ZNF880: variants seen among roughly 807,000 people sequenced by gnomAD.
ZNF880 encodes the protein zinc finger protein LOC400713.
ZNF880 carries 12 observed loss-of-function variants against 11.8 expected under a neutral mutation model. The observed-to-expected ratio is 1.02, with a 90% confidence interval of 0.65 to 1.65. The LOEUF (loss-of-function observed/expected upper bound fraction) is 1.65, where lower values mean the gene tolerates loss of function less well. ZNF880 is among the 40% of genes most tolerant of loss of function. The pLI is 0.00. For synonymous variants in ZNF880, 210 were observed against 232.4 expected (o/e 0.90, Z 0.88); for missense variants, 601 against 673.9 (o/e 0.89, Z 1.20).
downstream of ZNF880, among the ~76,000 whole-genome samples, chr19:52,388,519 A>G (rs191159340): frequency 1.3e-3 from 190 of 151,288 alleles, no homozygotes; most frequent in Non-Finnish European, 2.2e-3. Context: ...CTCGTGATCC[A>G]CCCGCCTCAG....
At chr19:52,386,019 C>CAA (rs1260593657), downstream of ZNF880, among the ~76,000 whole-genome samples, 1 of 141,804 alleles carries the variant, frequency 7.1e-6, no homozygotes, top group Non-Finnish European at 1.5e-5. Flanking sequence ...ACTAAAAATA[C>CAA]AAAAAATTAG....
chr19:52,377,201 T>C (rs765024301), intron 3 of ZNF880, among the ~76,000 whole-genome samples: 17 of 152,282 alleles, frequency 1.1e-4, no homozygotes, highest in East Asian at 5.8e-4. Flanking sequence ...CAATTTCCTA[T>C]ATGAGGAAGA....
chr19:52,391,998 T>C, the ZNF880 span, among the ~76,000 whole-genome samples: 16 of 152,240 alleles, frequency 1.1e-4, no homozygotes, highest in South Asian at 1.7e-3. Flanking sequence ...AAAAACTGGG[T>C]GTTCTCTAAT....
In ZNF880 at chr19:52,384,576, A is replaced by G; in HGVS notation, c.996A>G (p.Ala332=). Residue 332 remains alanine (A), a synonymous_variant, in exon 4 of 4, where the codon GCA becomes GCG. Coordinates refer to ENST00000422689, the MANE Select transcript of ZNF880 (RefSeq NM_001145434.2). ...KPYKCKECGK[A]FSGGSGLTAH... is the part of the protein sequence containing the mutation. ...ACAAATGTAAGGAATGTGGCAAAGC[A>G]TTTTCAGGGGGTTCAGGCCTTACTG... The G allele has an allele frequency of 6.2e-7, 1 of 1,613,212 alleles. No homozygotes were observed.
At chr19:52,392,447 TCCA>T in the ZNF880 span, among the ~76,000 whole-genome samples, 1 of 152,100 alleles carries the variant, frequency 6.6e-6, no homozygotes, top group Non-Finnish European at 1.5e-5. Context: ...ATTACAGGCG[TCCA>T]CCACCAAACC....
At chr19:52,386,137 A>C (rs1040876784), downstream of ZNF880, among the ~76,000 whole-genome samples, 1 of 128,548 alleles carries the variant, frequency 7.8e-6, no homozygotes. Flanking sequence ...ACGCCACTGC[A>C]CTCCAGCCTG....
At chr19:52,370,210 C>T in intron 1 of ZNF880, 1 of 570,738 alleles carries the variant, frequency 1.8e-6, no homozygotes, top group Non-Finnish European at 3.1e-6. Context: ...CAGCTCCTGT[C>T]GCGGAGTTTG....
chr19:52,388,546 G>C (rs10415186), downstream of ZNF880, among the ~76,000 whole-genome samples: 1 of 152,100 alleles, frequency 6.6e-6, no homozygotes, highest in South Asian at 2.1e-4. Context: ...AAAGTACTGA[G>C]ATTACAGGTG....
the ZNF880 span, among the ~76,000 whole-genome samples, chr19:52,392,077 C>A: frequency 6.6e-6 from 1 of 152,128 alleles, no homozygotes; most frequent in Non-Finnish European, 1.5e-5. Context: ...GGCTCAGTTG[C>A]ACAAAACTGC....
chr19:52,387,701 G>A (rs1986923210), downstream of ZNF880, among the ~76,000 whole-genome samples: 1 of 142,792 alleles, frequency 7.0e-6, no homozygotes, highest in Admixed American at 6.9e-5. Context: ...TGCCTGCCTC[G>A]GCCTCCCAAA....
At position 52,374,320 on chromosome 19, in the gene ZNF880, G is replaced by A. The variant is rs2051880907; in HGVS notation, c.161G>A (p.Ser54Asn). The change falls in exon 3 of 4, where the codon AGT becomes AAT. Residue 54 changes from serine (S) to asparagine (N), a missense_variant. Coordinates refer to ENST00000422689, the MANE Select transcript of ZNF880 (RefSeq NM_001145434.2). ...ATAGGAATCTGTCTTCCTGACCTGA[G>A]TGTTATCTCCATGTTGGAGCAAAGG... ...VFLGICLPDL[S>N]VISMLEQRRD... is the part of the protein sequence containing the mutation. 1.2e-6 allele frequency: 2 copies of A among 1,613,436 alleles called. No homozygotes were observed. The highest frequency in any genetic ancestry group is 1.7e-6 in the Non-Finnish European group (2 of 1,179,856).
chr19:52,378,252 T>C (rs776446933), intron 3 of ZNF880, among the ~76,000 whole-genome samples: 2 of 152,168 alleles, frequency 1.3e-5, no homozygotes, highest in Non-Finnish European at 1.5e-5. Flanking sequence ...CCTCAGCCAT[T>C]CTTCAGTTGT....
At chr19:52,391,924 C>T in the ZNF880 span, among the ~76,000 whole-genome samples, 1 of 152,140 alleles carries the variant, frequency 6.6e-6, no homozygotes, top group African/African-American at 2.4e-5. Context: ...CACAGAATGC[C>T]TCATCTCCGG....
At chr19:52,368,491 G>A (rs920960992), upstream of ZNF880, among the ~76,000 whole-genome samples, 2 of 151,868 alleles carry the variant, frequency 1.3e-5, no homozygotes, top group Non-Finnish European at 2.9e-5. Flanking sequence ...GTTTGAGAGT[G>A]TTTATTATAT....
intron 3 of ZNF880, among the ~76,000 whole-genome samples, chr19:52,379,041 C>CTCCA (rs774046509): frequency 6.6e-6 from 1 of 152,042 alleles, no homozygotes; most frequent in Non-Finnish European, 1.5e-5. Flanking sequence ...CGTCACTGAA[C>CTCCA]TCCAGCCTTA....
chr19:52,381,376 C>G (rs1261863158), intron 3 of ZNF880, among the ~76,000 whole-genome samples: 1 of 152,132 alleles, frequency 6.6e-6, no homozygotes, highest in African/African-American at 2.4e-5. Flanking sequence ...GAATAAAAGT[C>G]TATTCTCTCA....
rs916408096 is a variant in ZNF880, at chr19:52,385,661, A to G, written c.*347A>G. 4 of 211,110 alleles carry G rather than the reference A, an allele frequency of 1.9e-5. No individual in the cohort carries two copies. Among genetic ancestry groups the G allele is most frequent in the African/African-American group, 1.0e-4 (4 of 39,718 alleles). 13.1% of individuals were successfully genotyped at this position (211,110 alleles called of 1,614,324 possible). On this transcript the variant is annotated 3_prime_UTR_variant, in exon 4 of 4. Transcript: ENST00000422689. ...AGTTCTCCAATATTTATGATACTGC[A>G]TGCTGCAGAAAAGTCACAGCTCCAA...
At chr19:52,387,142 C>CT (rs1242308972), downstream of ZNF880, among the ~76,000 whole-genome samples, 1 of 144,486 alleles carries the variant, frequency 6.9e-6, no homozygotes, top group Non-Finnish European at 1.5e-5. Flanking sequence ...TCTAATCACT[C>CT]TAACTTTAGT....
intron 3 of ZNF880, among the ~76,000 whole-genome samples, chr19:52,381,517 C>T (rs1986704309): frequency 6.6e-6 from 1 of 152,118 alleles, no homozygotes; most frequent in African/African-American, 2.4e-5. Flanking sequence ...TTTAGTAAAT[C>T]TTGTTTTCTT....
Sources: gnomAD v4.1 joint callset for allele counts (sites outside exome capture counted in the v4.1 genomes callset) on GRCh38, gnomAD v4.1.1 for gene constraint, MANE v1.5 for transcripts, NCBI Gene and HGNC (gene_info 2026-07-23, HGNC 2026-07-21) for gene names.